The following TYW1B variants were observed in gnomAD, a reference collection of about 807,000 sequenced individuals.
TYW1B encodes S-adenosyl-L-methionine-dependent tRNA 4-demethylwyosine synthase TYW1B.
TYW1B carries 73 observed loss-of-function variants against 86.9 expected under a neutral mutation model. The observed-to-expected ratio is 0.84, with a 90% CI of 0.70 to 1.02. The LOEUF is 1.02. TYW1B is among the 50% of genes least tolerant of loss of function. The pLI, the probability that TYW1B is intolerant of heterozygous loss-of-function variation, is 0.00. For missense variants in TYW1B, 637 were observed against 827.4 expected, an observed-to-expected ratio of 0.77 and a Z score of 2.82; for synonymous variants, 248 against 292.8, an observed-to-expected ratio of 0.85 and a Z score of 1.56.
chr7:72,790,817 G>C (rs1463461566), intron 6 of TYW1B, among the ~76,000 whole-genome samples: 1 of 152,294 alleles, frequency 6.6e-6, no homozygotes, highest in East Asian at 1.9e-4. Context: ...GTTCCAGCAC[G>C]ACCAAGGGAG....
intron 11 of TYW1B, among the ~76,000 whole-genome samples, chr7:72,685,633 C>T (rs1240052198): frequency 6.6e-6 from 1 of 152,038 alleles, no homozygotes; most frequent in African/African-American, 2.4e-5. Context: ...TAAACGAACA[C>T]CTTATATCTC....
In TYW1B at chr7:72,807,371, T is replaced by G. The variant is rs781796554; in HGVS notation, c.433-15A>C. 9 of 1,608,718 alleles carry G rather than the reference T, an allele frequency of 5.6e-6. No individual in the cohort carries two copies. The Admixed American group carries it at 1.5e-4, about 27-fold the overall frequency. ...TTTTTGCCAACCTGCGAGGAAAAGA[T>G]AGATAGGCTAAAAGCACGGTTCTCT... On this transcript the variant is annotated splice_polypyrimidine_tract_variant and intron_variant, in intron 4 of 13. Coordinates refer to ENST00000620995, the MANE Select transcript of TYW1B (RefSeq NM_001145440.3).
Position 72,694,837 on chromosome 7 carries a change from T to A in TYW1B, c.1371-15A>T. 1 of 1,580,140 alleles carries A rather than the reference T, an allele frequency of 6.3e-7. No individual in the cohort carries two copies. ...GCTCGAGGTTCCTTAGTAATTTTTT[T>A]TTTTAAAGGAAGAAAGAAAAATTAT... On this transcript the variant is annotated splice_polypyrimidine_tract_variant and intron_variant, in intron 10 of 13. Coordinates refer to ENST00000620995, the MANE Select transcript of TYW1B (RefSeq NM_001145440.3).
At chr7:72,725,720 G>A (rs1384636281) in intron 9 of TYW1B, among the ~76,000 whole-genome samples, 2 of 152,074 alleles carry the variant, frequency 1.3e-5, no homozygotes, top group Non-Finnish European at 2.9e-5. Context: ...ATTCTGCCAG[G>A]AGAATGCCTT....
chr7:72,827,548 G>A (rs1788957577), intron 1 of TYW1B, among the ~76,000 whole-genome samples: 1 of 152,150 alleles, frequency 6.6e-6, no homozygotes, highest in Non-Finnish European at 1.5e-5. Context: ...GCATTTAGAA[G>A]CAAGAGAAGG....
At chr7:72,804,209 C>G (rs1330796521) in intron 5 of TYW1B, among the ~76,000 whole-genome samples, 1 of 150,508 alleles carries the variant, frequency 6.6e-6, no homozygotes, top group Admixed American at 6.6e-5. Flanking sequence ...TGCTTGAACC[C>G]AGGAGGTGGA....
chr7:72,815,774 T>C (rs1480355318), intron 2 of TYW1B, among the ~76,000 whole-genome samples: 1 of 152,110 alleles, frequency 6.6e-6, no homozygotes, highest in Admixed American at 6.6e-5. Flanking sequence ...GCAAGATGGC[T>C]CATGCCTGTA....
chr7:72,678,147 G>C lies in TYW1B; in HGVS notation c.1506+16540C>G, dbSNP rs187424775. On this transcript the variant is annotated intron_variant, in intron 11 of 13. Transcript: ENST00000620995. ...CATACTACAGGCAAAGCACTATCCG[G>C]GGCACTGAGGATACTGCAGGGAATA... Among the ~76,000 whole-genome samples the C allele has an allele frequency of 7.8e-4, 118 of 152,034 alleles. 1 individual carries two copies. The highest frequency in any genetic ancestry group is 2.6e-3 in the African/African-American group (106 of 41,446).
chr7:72,678,291 G>T (rs774880882), intron 11 of TYW1B, among the ~76,000 whole-genome samples: 1 of 152,046 alleles, frequency 6.6e-6, no homozygotes, highest in Non-Finnish European at 1.5e-5. Flanking sequence ...TGCTGAGGAG[G>T]GATATTATTT....
intron 6 of TYW1B, among the ~76,000 whole-genome samples, chr7:72,790,094 T>C (rs1788194417): frequency 6.6e-6 from 1 of 151,694 alleles, no homozygotes; most frequent in South Asian, 2.1e-4. Flanking sequence ...ATTACAGGCA[T>C]GCACCACCAC....
At chr7:72,749,912 G>GTTTTTT (rs35656387) in intron 7 of TYW1B, among the ~76,000 whole-genome samples, 1 of 119,008 alleles carries the variant, frequency 8.4e-6, no homozygotes, top group African/African-American at 3.3e-5. Context: ...GGTTTTTTTT[G>GTTTTTT]TTTTTTTTTT....
rs141555080 is a variant in TYW1B at position 72,684,877 on chromosome 7, G to A, written c.1506+9810C>T. Among the ~76,000 whole-genome samples, 1,432 of 152,172 alleles carry A rather than the reference G, an allele frequency of 9.4e-3. 13 individuals carry two copies. Among genetic ancestry groups the A allele is most frequent in the African/African-American group, 0.031 (1,302 of 41,530 alleles). On this transcript the variant is annotated intron_variant, in intron 11 of 13. Coordinates refer to ENST00000620995, the MANE Select transcript of TYW1B (RefSeq NM_001145440.3). ...TATAATCCCAGCACTTTGGGAGGCC[G>A]AGGAAGGCGGATCACTTGAGGTCAG...
intron 4 of TYW1B, among the ~76,000 whole-genome samples, chr7:72,809,506 A>T (rs1209930182): frequency 1.3e-5 from 2 of 152,040 alleles, no homozygotes; most frequent in African/African-American, 2.4e-5. Context: ...TTGAAAGATT[A>T]GCCAGGGGTA....
At chr7:72,715,923 TTTTG>T (rs1233951756) in intron 9 of TYW1B, among the ~76,000 whole-genome samples, 30 of 152,010 alleles carry the variant, frequency 2.0e-4, no homozygotes, top group Non-Finnish European at 2.6e-4. Context: ...GACATCTTTG[TTTTG>T]TTTGTTTGTT....
intron 11 of TYW1B, among the ~76,000 whole-genome samples, chr7:72,682,391 T>C (rs1204155237): frequency 6.6e-6 from 1 of 152,172 alleles, no homozygotes; most frequent in Non-Finnish European, 1.5e-5. Flanking sequence ...ATATCCCAAC[T>C]GGATTAAAGA....
intron 11 of TYW1B, among the ~76,000 whole-genome samples, chr7:72,663,961 GA>G (rs1218422091): frequency 1.3e-5 from 2 of 151,644 alleles, no homozygotes; most frequent in Admixed American, 1.3e-4. Context: ...CTAGATATTA[GA>G]AATAAAATGT....
At chr7:72,607,401 A>AAAAAAAAAG (rs1811826147) in intron 13 of TYW1B, among the ~76,000 whole-genome samples, 1 of 150,960 alleles carries the variant, frequency 6.6e-6, no homozygotes, top group African/African-American at 2.4e-5. Context: ...CTCAAAAAAA[A>AAAAAAAAAG]AAAAAAAAGA....
intron 8 of TYW1B, among the ~76,000 whole-genome samples, chr7:72,731,609 C>T (rs1479285836): frequency 6.6e-6 from 1 of 152,224 alleles, no homozygotes; most frequent in Middle Eastern, 3.4e-3. Flanking sequence ...TATACACAGA[C>T]TGAAAGTGAA....
intron 13 of TYW1B, among the ~76,000 whole-genome samples, chr7:72,603,245 C>CGGAT (rs201837149): frequency 0.022 from 2,792 of 128,588 alleles, 83 homozygotes; most frequent in African/African-American, 0.075. Context: ...GATGGACGGA[C>CGGAT]GGATGGATGG....
Sources: gnomAD v4.1 joint callset for allele counts (sites outside exome capture counted in the v4.1 genomes callset) on GRCh38, gnomAD v4.1.1 for gene constraint, MANE v1.5 for transcripts, NCBI Gene and HGNC (gene_info 2026-07-23, HGNC 2026-07-21) for gene names.